The following COBL variants were observed in gnomAD, a reference collection of about 807,000 sequenced individuals.
The protein encoded by COBL is cordon-bleu WH2 repeat protein, also known as protein cordon-bleu.
A neutral mutation model predicts 98.8 loss-of-function variants in COBL; 51 were observed. The observed-to-expected ratio is 0.52, with a 90% confidence interval of 0.41 to 0.65. The LOEUF is 0.65. Ranked by LOEUF, COBL falls within the 30% of genes least tolerant of loss-of-function variation. The pLI, the probability that COBL is intolerant of heterozygous loss-of-function variation, is 0.00. For missense variants in COBL, 1,617 were observed against 1,617.5 expected, an observed-to-expected ratio of 1.00 and a Z score of 0.01; for synonymous variants, 634 against 651.7, an observed-to-expected ratio of 0.97 and a Z score of 0.41.
rs777035806 is a variant in COBL at position 51,029,464 on chromosome 7, T to A, written c.1632A>T (p.Ile544=). The A allele has an allele frequency of 6.2e-7, 1 of 1,614,192 alleles. No individual in the cohort carries two copies. The highest frequency in any genetic ancestry group is 1.1e-5 in the South Asian group (1 of 91,084). The change falls in exon 10 of 13, where the codon ATA becomes ATT. Residue 544 remains isoleucine, a synonymous_variant. Coordinates refer to ENST00000265136, the MANE Select transcript of COBL (RefSeq NM_015198.5). ...GDTDAIPVTF[I]GEVSDDPVDS... Reference sequence around the variant, plus strand: ...CCACAGGATCATCTGAAACTTCCCCTATGAATGTTACTGGGATTGCATCTG... The same window carrying A: ...CCACAGGATCATCTGAAACTTCCCCAATGAATGTTACTGGGATTGCATCTG...
intron 1 of COBL, among the ~76,000 whole-genome samples, chr7:51,224,012 G>A (rs996254625): frequency 3.3e-5 from 5 of 152,098 alleles, no homozygotes; most frequent in African/African-American, 1.2e-4. Context: ...CTTTCCTATG[G>A]TTAGATATGT....
Position 51,267,480 on chromosome 7 carries a change from T to TTATA in COBL, c.42-47540_42-47537dup, listed in dbSNP as rs547550558. ...TTCATACATTCATTTATTTGTATTT[T>TTATA]TATATATATATATATTACTAGTATA... is the stretch of plus-strand genomic sequence containing the variant. On this transcript the variant is annotated intron_variant, in intron 1 of 12. Coordinates refer to ENST00000265136, the MANE Select transcript of COBL (RefSeq NM_015198.5). 3.1e-4 allele frequency among the ~76,000 whole-genome samples: 47 copies of TTATA among 150,778 alleles called. No homozygotes were observed. In the South Asian group the frequency reaches 7.9e-3, roughly 25 times the overall value.
chr7:51,174,464 A>G (rs562282495), intron 5 of COBL, among the ~76,000 whole-genome samples: 1 of 152,212 alleles, frequency 6.6e-6, no homozygotes, highest in African/African-American at 2.4e-5. Flanking sequence ...AAAATAAATG[A>G]GAAGGAAAGT....
At chr7:51,236,417 G>A (rs1052744608) in intron 1 of COBL, among the ~76,000 whole-genome samples, 8 of 152,164 alleles carry the variant, frequency 5.3e-5, no homozygotes, top group African/African-American at 1.7e-4. Context: ...TCTGGGTCAC[G>A]GGGAGGAGGC....
chr7:51,240,359 G>A (rs1271576080), intron 1 of COBL, among the ~76,000 whole-genome samples: 2 of 152,138 alleles, frequency 1.3e-5, no homozygotes, highest in Non-Finnish European at 2.9e-5. Flanking sequence ...TCTAACATTC[G>A]CTTTCTCACT....
intron 5 of COBL, among the ~76,000 whole-genome samples, chr7:51,169,976 C>A (rs572163798): frequency 6.6e-6 from 1 of 152,094 alleles, no homozygotes; most frequent in South Asian, 2.1e-4. Flanking sequence ...CTAGTCTATA[C>A]CCACAATTAA....
chr7:51,238,998 T>C (rs1451534440), intron 1 of COBL, among the ~76,000 whole-genome samples: 1 of 152,204 alleles, frequency 6.6e-6, no homozygotes, highest in East Asian at 1.9e-4. Context: ...AAGTAAATTA[T>C]ATAAACTTAT....
chr7:51,129,685 A>G (rs1050756562), intron 6 of COBL, among the ~76,000 whole-genome samples: 1 of 152,084 alleles, frequency 6.6e-6, no homozygotes, highest in Non-Finnish European at 1.5e-5. Context: ...GTGGCCAGCG[A>G]GACTTCATGG....
chr7:51,099,143 T>G (rs1012539095), intron 6 of COBL, among the ~76,000 whole-genome samples: 6 of 150,648 alleles, frequency 4.0e-5, no homozygotes, highest in African/African-American at 1.5e-4. Context: ...GCGGAGAAAT[T>G]AGAATTCTTA....
intron 1 of COBL, among the ~76,000 whole-genome samples, chr7:51,310,353 C>A (rs1486719345): frequency 1.3e-5 from 2 of 152,178 alleles, no homozygotes; most frequent in Non-Finnish European, 2.9e-5. Context: ...GCACCAGGGT[C>A]CAAAGCTTCT....
chr7:51,122,807 T>C (rs1583868422), intron 6 of COBL, among the ~76,000 whole-genome samples: 2 of 152,162 alleles, frequency 1.3e-5, no homozygotes. Flanking sequence ...GGCAAAACCC[T>C]GTCTCTACTA....
chr7:51,102,057 G>T (rs1256113570), intron 6 of COBL, among the ~76,000 whole-genome samples: 1 of 152,196 alleles, frequency 6.6e-6, no homozygotes, highest in Non-Finnish European at 1.5e-5. Context: ...AGAGTTGTCA[G>T]AAAACCAGGA....
chr7:51,151,401 G>A (rs1785542464), intron 5 of COBL, among the ~76,000 whole-genome samples: 1 of 152,102 alleles, frequency 6.6e-6, no homozygotes, highest in South Asian at 2.1e-4. Flanking sequence ...CACAGATCAG[G>A]AAAAAATGCC....
intron 1 of COBL, among the ~76,000 whole-genome samples, chr7:51,315,754 A>G (rs1803505178): frequency 6.6e-6 from 1 of 151,938 alleles, no homozygotes; most frequent in Admixed American, 6.5e-5. Context: ...CTGAATAATG[A>G]GCAGGGCTGC....
rs138572556 is a variant in COBL at position 51,295,439 on chromosome 7, T to C, written c.41+21154A>G. Among the ~76,000 whole-genome samples, 307 of 152,166 alleles carry C rather than the reference T, an allele frequency of 2.0e-3. 1 individual carries two copies. Among genetic ancestry groups the C allele is most frequent in the African/African-American group, 7.2e-3 (300 of 41,504 alleles). ...TTAAAAATACATACATTAAAAAACA[T>C]TTTTCAAAAAAAATACTGCCCAATT... On this transcript the variant is annotated intron_variant, in intron 1 of 12. Transcript: ENST00000265136.
chr7:51,093,478 C>A (rs942421123), intron 6 of COBL, among the ~76,000 whole-genome samples: 1 of 152,152 alleles, frequency 6.6e-6, no homozygotes, highest in Non-Finnish European at 1.5e-5. Context: ...ACCGTGGGAT[C>A]CAACCATCCC....
chr7:51,173,124 G>A (rs1788043970), intron 5 of COBL, among the ~76,000 whole-genome samples: 1 of 152,068 alleles, frequency 6.6e-6, no homozygotes, highest in Non-Finnish European at 1.5e-5. Flanking sequence ...TGGGCCTGAA[G>A]TGATGGAGTT....
At chr7:51,292,606 C>A (rs901164118) in intron 1 of COBL, among the ~76,000 whole-genome samples, 3 of 152,260 alleles carry the variant, frequency 2.0e-5, no homozygotes, top group African/African-American at 7.2e-5. Flanking sequence ...TCTCCTTTAG[C>A]CTCTTCAGCA....
intron 1 of COBL, among the ~76,000 whole-genome samples, chr7:51,286,647 T>C (rs948039303): frequency 2.6e-5 from 4 of 152,170 alleles, no homozygotes; most frequent in African/African-American, 9.7e-5. Context: ...GGGGAATACA[T>C]ACACTGTTGA....
Sources: allele counts gnomAD v4.1 joint callset (sites outside exome capture counted in the v4.1 genomes callset), GRCh38; gene constraint gnomAD v4.1.1; transcripts MANE v1.5; gene names NCBI Gene and HGNC (gene_info 2026-07-23, HGNC 2026-07-21).